Variants in BDH1 observed in about 807,000 individuals in gnomAD.
BDH1 encodes 3-hydroxybutyrate dehydrogenase 1.
Under a neutral mutation model 33.1 loss-of-function variants are expected in BDH1, and 30 were observed. The observed-to-expected ratio is 0.91, with a 90% CI of 0.68 to 1.23. The LOEUF (loss-of-function observed/expected upper bound fraction) is 1.23. Ranked by LOEUF, BDH1 falls within the 50% of genes most tolerant of loss-of-function variation. BDH1 has a pLI of 0.00. For missense variants in BDH1, 443 were observed against 464.4 expected (o/e 0.95, Z 0.42); for synonymous variants, 190 against 183.6 (o/e 1.03, Z -0.28).
intron 3 of BDH1, among the ~76,000 whole-genome samples, chr3:197,537,755 G>C (rs937594834): frequency 6.6e-6 from 1 of 152,154 alleles, no homozygotes; most frequent in Non-Finnish European, 1.5e-5. Flanking sequence ...CTTCTGCATT[G>C]ATAGAGAGCA....
chr3:197,533,601 AGACAGACC>A, intron 3 of BDH1, 40 bp from the exon 4 acceptor site: 1 of 1,598,558 alleles, frequency 6.3e-7, no homozygotes, highest in South Asian at 1.1e-5. Flanking sequence ...AGGACAGACT[AGACAGACC>A]CTCAGCCACA....
chr3:197,561,489 G>A (rs1243114417), intron 1 of BDH1, among the ~76,000 whole-genome samples: 1 of 152,142 alleles, frequency 6.6e-6, no homozygotes, highest in African/African-American at 2.4e-5. Context: ...CTGCTTTTAG[G>A]ATGACAAAAA....
intron 3 of BDH1, among the ~76,000 whole-genome samples, chr3:197,544,263 G>A (rs922302571): frequency 5.9e-5 from 9 of 152,148 alleles, no homozygotes; most frequent in East Asian, 1.9e-4. Context: ...ACAGCTCTGC[G>A]GCTGCCCAAC....
chr3:197,521,003 C>T lies in BDH1; in HGVS notation c.409+1637G>A, dbSNP rs1713485948. ...GCATCACCGACAGCCACACACGCAG[C>T]CTCTGAGGCAGCTGCTGTGACAGAC... On this transcript the variant is annotated intron_variant, in intron 6 of 7. Coordinates refer to ENST00000392379, the MANE Select transcript of BDH1 (RefSeq NM_203314.3). This position sits in a 1 kb window ranked among gnomAD's most constrained non-coding sequence, Gnocchi z 4.9. Among the ~76,000 whole-genome samples the T allele has an allele frequency of 1.3e-5, 2 of 152,156 alleles. No individual in the cohort carries two copies. Among genetic ancestry groups the T allele is most frequent in the Admixed American group, 1.3e-4 (2 of 15,282 alleles).
rs1712420633 is a variant in BDH1 at position 197,514,185 on chromosome 3, G to A, written c.562+79C>T. 3 of 1,517,202 alleles carry A rather than the reference G, an allele frequency of 2.0e-6. No individual in the cohort carries two copies. The highest frequency in any genetic ancestry group is 2.8e-5 in the African/African-American group (2 of 72,392). The allele number at this position is 1,517,202 out of a possible 1,614,324, so 94.0% of individuals were successfully genotyped here. On this transcript the variant is annotated intron_variant, in intron 7 of 7. Transcript: ENST00000392379. This position sits in a 1 kb window ranked among gnomAD's most constrained non-coding sequence, Gnocchi z 4.2. ...GAGTTGTGGACATTGGAGCTGCTGG[G>A]ACAGGTATTTCCATTCTGAGCAAAG... is the stretch of plus-strand genomic sequence containing the variant.
At chr3:197,565,909 T>C (rs972248863) in intron 1 of BDH1, among the ~76,000 whole-genome samples, 4 of 152,224 alleles carry the variant, frequency 2.6e-5, no homozygotes, top group South Asian at 2.1e-4. Context: ...GAAATGTTCA[T>C]GAATGTCAGA....
upstream of BDH1, among the ~76,000 whole-genome samples, chr3:197,560,482 G>A (rs1436609692): frequency 6.6e-6 from 1 of 152,192 alleles, no homozygotes; most frequent in African/African-American, 2.4e-5. Flanking sequence ...GACAAATACA[G>A]AATGTGAGGT....
Position 197,514,397 on chromosome 3 carries a change from G to C in BDH1, c.429C>G (p.Asn143Lys). 6.2e-7 allele frequency: 1 copy of C among 1,610,650 alleles called. No homozygotes were observed. The highest frequency in any genetic ancestry group is 8.5e-7 in the Non-Finnish European group (1 of 1,178,068). Residue 143 changes from asparagine to lysine, a missense_variant, in exon 7 of 8, where the codon AAC becomes AAG. Transcript: ENST00000392379. The surrounding 1 kb of genome is among the most constrained non-coding windows in gnomAD (Gnocchi z 4.2). ...CCCCGAACGTTGAGATGCCGGCATT[G>C]TTAACGAGGCCCCACATGCCTGGAC... ...DPEKGMWGLVNNAGISTFGEV... is the reference protein window; with the variant it reads ...DPEKGMWGLVKNAGISTFGEV...
Position 197,522,502 on chromosome 3 carries a change from T to TGC in BDH1, c.409+137_409+138insGC. On this transcript the variant is annotated intron_variant, in intron 6 of 7. Coordinates refer to ENST00000392379, the MANE Select transcript of BDH1 (RefSeq NM_203314.3). This position sits in a 1 kb window ranked among gnomAD's most constrained non-coding sequence, Gnocchi z 4.8. Reference sequence around the variant, plus strand: ...ATGTTTAGTGTAATCCTCTTCCTCCTACTGTGCAGGAGGAAGAGCCTAAAC... The same window carrying TGC: ...ATGTTTAGTGTAATCCTCTTCCTCCTGCACTGTGCAGGAGGAAGAGCCTAAAC... 20 of 1,084,272 alleles carry TGC rather than the reference T, an allele frequency of 1.8e-5. No individual in the cohort carries two copies. The highest frequency in any genetic ancestry group is 2.5e-5 in the Non-Finnish European group (19 of 751,910). 67.2% of individuals were successfully genotyped at this position (1,084,272 alleles called of 1,614,324 possible).
Position 197,522,546 on chromosome 3 carries a change from G to C in BDH1, c.409+94C>G. ...CCTAAACAATAAGGAAGGGAGTGTGGTGGCAGGATGCCAGCCAGTGGAAGG... is the reference window on the plus strand; with the variant it reads ...CCTAAACAATAAGGAAGGGAGTGTGCTGGCAGGATGCCAGCCAGTGGAAGG... On this transcript the variant is annotated intron_variant, in intron 6 of 7. Coordinates refer to ENST00000392379, the MANE Select transcript of BDH1 (RefSeq NM_203314.3). This position sits in a 1 kb window ranked among gnomAD's most constrained non-coding sequence, Gnocchi z 4.8. 6.7e-7 allele frequency: 1 copy of C among 1,496,106 alleles called. No homozygotes were observed. Among genetic ancestry groups the C allele is most frequent in the Non-Finnish European group, 9.2e-7 (1 of 1,090,606 alleles). 92.7% of individuals were successfully genotyped at this position (1,496,106 alleles called of 1,614,324 possible).
chr3:197,558,532 T>A (rs570979278), upstream of BDH1, among the ~76,000 whole-genome samples: 6 of 152,342 alleles, frequency 3.9e-5, no homozygotes, highest in African/African-American at 1.4e-4. Flanking sequence ...ATTTGACTCT[T>A]CCCAGCCCTC....
intron 3 of BDH1, chr3:197,538,445 G>A (rs1270741506): frequency 4.4e-6 from 2 of 449,678 alleles, no homozygotes; most frequent in Non-Finnish European, 4.5e-6. Context: ...TCCGCCTCCT[G>A]GGTTCAAGCG....
chr3:197,544,021 C>T lies in BDH1; in HGVS notation c.83+2340G>A, dbSNP rs535523738. 7.2e-5 allele frequency among the ~76,000 whole-genome samples: 11 copies of T among 152,240 alleles called. No individual in the cohort carries two copies. In the East Asian group the frequency reaches 1.2e-3, roughly 16 times the overall value. On this transcript the variant is annotated intron_variant, in intron 3 of 7. Coordinates refer to ENST00000392379, the MANE Select transcript of BDH1 (RefSeq NM_203314.3). ...ATCACTGGACATATTCAAACAGAGG[C>T]GATAAAGTCACTTGGTAAGGATGCT...
chr3:197,557,001 C>T (rs556504772), upstream of BDH1, among the ~76,000 whole-genome samples: 6 of 152,342 alleles, frequency 3.9e-5, no homozygotes, highest in East Asian at 9.7e-4. The surrounding 1 kb of genome is among the most constrained non-coding windows in gnomAD (Gnocchi z 4.6). Context: ...CTCAAAATCA[C>T]CCCCTGCTCA....
Position 197,512,384 on chromosome 3 carries a change from T to A in BDH1, c.563-20A>T. On this transcript the variant is annotated intron_variant, in intron 7 of 7. Coordinates refer to ENST00000392379, the MANE Select transcript of BDH1 (RefSeq NM_203314.3). ...CGCGGCCTACAGAGGGAGACAGAGG[T>A]ACCTGCTAAGCCGTTACTGCCCTAT... The A allele has an allele frequency of 6.3e-7, 1 of 1,588,876 alleles. No individual in the cohort carries two copies. Among genetic ancestry groups the A allele is most frequent in the Non-Finnish European group, 8.5e-7 (1 of 1,171,652 alleles).
rs1346671511 is a variant in BDH1, at chr3:197,511,594, G to GT, written c.*300dup. On this transcript the variant is annotated 3_prime_UTR_variant, in exon 8 of 8. Transcript: ENST00000392379. ...CTGGCTTAAGGATCAAATGAGATCT[G>GT]TTTTTAATATAAAGATGTTTTCTTA... 1 of 392,052 alleles carries GT rather than the reference G, an allele frequency of 2.6e-6. No individual in the cohort carries two copies. Among genetic ancestry groups the GT allele is most frequent in the Non-Finnish European group, 4.5e-6 (1 of 220,954 alleles). The allele number at this position is 392,052 out of a possible 1,614,324, so 24.3% of individuals were successfully genotyped here. A position where few individuals can be genotyped will look rare whatever the true frequency, so the allele number is the denominator to read the frequency against.
Position 197,520,750 on chromosome 3 carries a change from G to A in BDH1, c.409+1890C>T, listed in dbSNP as rs1053527945. ...GCAGCTGCCCAGGGAAGGTGGGAGG[G>A]AGGAGAATTTACCGCCAGGGAAGGG... On this transcript the variant is annotated intron_variant, in intron 6 of 7. Transcript: ENST00000392379. This position sits in a 1 kb window ranked among gnomAD's most constrained non-coding sequence, Gnocchi z 6.0. Among the ~76,000 whole-genome samples, 3 of 152,212 alleles carry A rather than the reference G, an allele frequency of 2.0e-5. No individual in the cohort carries two copies. Among genetic ancestry groups the A allele is most frequent in the African/African-American group, 7.2e-5 (3 of 41,444 alleles).
At chr3:197,530,070 G>A (rs1048380239) in intron 5 of BDH1, 7 of 152,202 alleles carry the variant, frequency 4.6e-5, no homozygotes, top group African/African-American at 1.7e-4. Context: ...GAGCACAGGT[G>A]ATATCTGCAG....
chr3:197,542,600 C>T (rs1313285003), intron 3 of BDH1, among the ~76,000 whole-genome samples: 2 of 146,204 alleles, frequency 1.4e-5, no homozygotes, highest in African/African-American at 5.2e-5. Context: ...CTCGGCTCAC[C>T]GCAACCTCTT....
Sources: gnomAD v4.1 joint callset for allele counts (sites outside exome capture counted in the v4.1 genomes callset) on GRCh38, gnomAD v4.1.1 for gene constraint, Gnocchi (gnomAD v3.1) non-coding constraint, MANE v1.5 for transcripts, NCBI Gene and HGNC (gene_info 2026-07-23, HGNC 2026-07-21) for gene names.